Variants in BCAS4 observed in about 807,000 individuals in gnomAD.
BCAS4 encodes the protein breast carcinoma amplified sequence 4.
BCAS4 carries 9 observed loss-of-function variants against 15.7 expected under a neutral mutation model. The observed-to-expected ratio is 0.57, with a 90% CI of 0.34 to 1.00. The LOEUF (loss-of-function observed/expected upper bound fraction) is 1.00. BCAS4 is among the 50% of genes least tolerant of loss of function. The pLI is 0.02. For synonymous variants in BCAS4, 101 were observed against 99.5 expected (o/e 1.02, Z -0.09); for missense variants, 225 against 239.1 (o/e 0.94, Z 0.39).
chr20:50,828,513 C>T (rs2088305689), intron 2 of BCAS4, among the ~76,000 whole-genome samples: 1 of 152,198 alleles, frequency 6.6e-6, no homozygotes, highest in African/African-American at 2.4e-5. Context: ...GGAGTGCTGA[C>T]TCATGCCTGT....
At chr20:50,812,855 A>T (rs1313937716) in intron 1 of BCAS4, among the ~76,000 whole-genome samples, 2 of 151,388 alleles carry the variant, frequency 1.3e-5, no homozygotes, top group Non-Finnish European at 2.9e-5. Context: ...TTGCTTTGTC[A>T]TCCAGGCTGG....
In BCAS4 at chr20:50,863,248, C is replaced by CTTTTTTTT. The variant is rs1054175958; in HGVS notation, c.400-13218_400-13211dup. On this transcript the variant is annotated intron_variant, in intron 4 of 4. Transcript: ENST00000371608. Reference sequence around the variant, plus strand: ...GTTTTCTTCCCAGAGCTAACTGGTGCTTTTTTTTTTTTTTTTTTTTTTTTT... The same window carrying CTTTTTTTT: ...GTTTTCTTCCCAGAGCTAACTGGTGCTTTTTTTTTTTTTTTTTTTTTTTTTTTTTTTTT... 5.8e-5 allele frequency among the ~76,000 whole-genome samples: 5 copies of CTTTTTTTT among 86,096 alleles called. 1 individual carries two copies. Among genetic ancestry groups the CTTTTTTTT allele is most frequent in the African/African-American group, 2.2e-4 (4 of 18,324 alleles). The allele number at this position is 86,096 out of a possible 152,430, so 56.5% of individuals were successfully genotyped here.
At chr20:50,810,954 G>GA (rs1385319042) in intron 1 of BCAS4, among the ~76,000 whole-genome samples, 1 of 152,172 alleles carries the variant, frequency 6.6e-6, no homozygotes, top group African/African-American at 2.4e-5. Context: ...GGGGCAGGAG[G>GA]ACCGGGAGTA....
At chr20:50,863,820 T>C (rs1176256041) in intron 4 of BCAS4, among the ~76,000 whole-genome samples, 1 of 152,190 alleles carries the variant, frequency 6.6e-6, no homozygotes, top group East Asian at 1.9e-4. Context: ...GGGGGACCCC[T>C]GAACCCAGCG....
intron 1 of BCAS4, 63 bp downstream of exon 1, chr20:50,795,236 A>AC: frequency 8.0e-7 from 1 of 1,257,192 alleles, no homozygotes; most frequent in Non-Finnish European, 1.0e-6. Flanking sequence ...CGGGCTCCGG[A>AC]CCCTCGGCTT....
At chr20:50,858,467 T>C (rs1658121417) in intron 4 of BCAS4, among the ~76,000 whole-genome samples, 1 of 152,044 alleles carries the variant, frequency 6.6e-6, no homozygotes, top group African/African-American at 2.4e-5. Context: ...CCGGGCATGG[T>C]GGCAAGCGCC....
intron 4 of BCAS4, among the ~76,000 whole-genome samples, chr20:50,853,200 A>G (rs1290716929): frequency 8.3e-6 from 1 of 120,716 alleles, no homozygotes; most frequent in Non-Finnish European, 1.6e-5. Context: ...GCTGGAGTGT[A>G]GTGGTGTGAT....
At chr20:50,823,820 C>T (rs560909550) in intron 2 of BCAS4, among the ~76,000 whole-genome samples, 3 of 151,902 alleles carry the variant, frequency 2.0e-5, no homozygotes, top group African/African-American at 7.2e-5. Context: ...CTACAGGAGG[C>T]CTTATGGGGT....
chr20:50,837,243 C>T (rs934696910), intron 3 of BCAS4, among the ~76,000 whole-genome samples: 6 of 152,172 alleles, frequency 3.9e-5, no homozygotes, highest in Non-Finnish European at 8.8e-5. Flanking sequence ...TGGATGTCAA[C>T]ACACCTTTCT....
At chr20:50,879,966 C>G (rs1165219505), downstream of BCAS4, 1 of 152,530 alleles carries the variant, frequency 6.6e-6, no homozygotes. Context: ...GCTGCTGTTG[C>G]AGGGCCCGGG....
chr20:50,862,762 C>T (rs565584546), intron 4 of BCAS4, among the ~76,000 whole-genome samples: 1 of 152,288 alleles, frequency 6.6e-6, no homozygotes, highest in Non-Finnish European at 1.5e-5. Flanking sequence ...TTCTCCAGGC[C>T]TGGCAGGGGC....
chr20:50,835,253 T>G (rs965147836), intron 3 of BCAS4, among the ~76,000 whole-genome samples: 3 of 150,962 alleles, frequency 2.0e-5, no homozygotes, highest in Admixed American at 6.6e-5. Flanking sequence ...TAATTTTTTT[T>G]TTTTTTTTTT....
At chr20:50,808,879 T>C (rs1268345452) in intron 1 of BCAS4, among the ~76,000 whole-genome samples, 1 of 152,216 alleles carries the variant, frequency 6.6e-6, no homozygotes, top group Non-Finnish European at 1.5e-5. Flanking sequence ...GCATTTGCTT[T>C]TGGGTTCTTG....
chr20:50,818,301 G>A lies in BCAS4; in HGVS notation c.162+19G>A, dbSNP rs746493565. On this transcript the variant is annotated intron_variant, in intron 2 of 4. Coordinates refer to ENST00000371608, the MANE Select transcript of BCAS4 (RefSeq NM_198799.4). ...TGACCTGGTGAGTGGCTGCCTGGAA[G>A]GCGTGGGTTTAGGCCCAGGCCAGAC... 11 of 1,610,284 alleles carry A rather than the reference G, an allele frequency of 6.8e-6. No homozygotes were observed. The South Asian group carries it at 1.2e-4, about 18-fold the overall frequency.
intron 4 of BCAS4, among the ~76,000 whole-genome samples, chr20:50,862,156 C>T (rs1979114849): frequency 6.6e-6 from 1 of 152,020 alleles, no homozygotes; most frequent in African/African-American, 2.4e-5. Flanking sequence ...TCCTCCTTAT[C>T]CCTCTAGTTT....
intron 2 of BCAS4, among the ~76,000 whole-genome samples, chr20:50,821,552 C>A (rs1011386650): frequency 1.1e-4 from 17 of 152,290 alleles, no homozygotes; most frequent in African/African-American, 3.9e-4. Context: ...TTAAGAGCTG[C>A]TTTGAAATCC....
downstream of BCAS4, chr20:50,880,919 G>T (rs531942848): frequency 6.6e-6 from 1 of 152,142 alleles, no homozygotes; most frequent in African/African-American, 2.4e-5. Context: ...ATTGTAAATC[G>T]ATTAGGAGCT....
intron 4 of BCAS4, among the ~76,000 whole-genome samples, chr20:50,849,436 C>T (rs1258411509): frequency 6.6e-6 from 1 of 152,162 alleles, no homozygotes; most frequent in Non-Finnish European, 1.5e-5. Flanking sequence ...GAGACCTTCC[C>T]AGAAAGAAAG....
At chr20:50,832,415 G>A (rs562885658) in intron 3 of BCAS4, among the ~76,000 whole-genome samples, 3 of 151,630 alleles carry the variant, frequency 2.0e-5, no homozygotes, top group South Asian at 2.1e-4. Flanking sequence ...TTTCCACCAC[G>A]TCCAGCTAAT....
Sources: gnomAD v4.1 joint callset for allele counts (sites outside exome capture counted in the v4.1 genomes callset) on GRCh38, gnomAD v4.1.1 for gene constraint, MANE v1.5 for transcripts, NCBI Gene and HGNC (gene_info 2026-07-23, HGNC 2026-07-21) for gene names.